Variants in SH3BP2 observed in about 807,000 individuals in gnomAD.
The protein encoded by SH3BP2 is SH3 domain binding protein 2.
In SH3BP2, 38 loss-of-function variants were observed where a neutral mutation model predicts 56.2. The observed-to-expected ratio is 0.68, with a 90% CI of 0.52 to 0.89. SH3BP2 has a LOEUF of 0.89. SH3BP2 is among the 40% of genes least tolerant of loss of function. The probability of loss-of-function intolerance (pLI) is 0.00; values close to 1 mark genes in which losing one functional copy is unlikely to be tolerated. For synonymous variants in SH3BP2, 346 were observed against 316.7 expected (o/e 1.09, Z -0.98); for missense variants, 748 against 762.6 (o/e 0.98, Z 0.23).
intron 1 of SH3BP2, among the ~76,000 whole-genome samples, chr4:2,816,059 A>AT (rs895156507): frequency 5.6e-4 from 83 of 148,008 alleles, no homozygotes; most frequent in South Asian, 1.5e-3. Context: ...TATTCTAATA[A>AT]TTTTTTTTTT....
At chr4:2,822,885 T>C in intron 2 of SH3BP2, 50 bp from the exon 3 acceptor site, 1 of 1,457,762 alleles carries the variant, frequency 6.9e-7, no homozygotes, top group South Asian at 1.2e-5. Context: ...CAGTGGGTCT[T>C]GGCAGCTGCC....
chr4:2,824,632 G>A lies in SH3BP2; in HGVS notation c.259G>A (p.Glu87Lys). ...GYNRVMRAAE[E>K]TTSNNVFPFK... ...CCCCAGGGTGATGCGGGCGGCTGAGGAGACCACGTCCAACAACGTTTTCCC... is the reference window on the plus strand; with the variant it reads ...CCCCAGGGTGATGCGGGCGGCTGAGAAGACCACGTCCAACAACGTTTTCCC... The change falls in exon 4 of 13, where the codon GAG becomes AAG. Residue 87 changes from glutamate to lysine, a missense_variant. Around this residue, in one of 3 missense-constraint regions of SH3BP2, gnomAD observed 104 missense variants for 123.1 expected, o/e 0.84. Transcript: ENST00000503393. 6.2e-7 allele frequency: 1 copy of A among 1,613,824 alleles called. No individual in the cohort carries two copies. The highest frequency in any genetic ancestry group is 8.5e-7 in the Non-Finnish European group (1 of 1,179,968).
In SH3BP2 at chr4:2,829,703, C is replaced by G; in HGVS notation, c.797C>G (p.Pro266Arg). The G allele has an allele frequency of 6.2e-7, 1 of 1,613,018 alleles. No homozygotes were observed. Among genetic ancestry groups the G allele is most frequent in the Non-Finnish European group, 8.5e-7 (1 of 1,179,836 alleles). ...CCACTGTGCCCGAGGCGGGCTGAGC[C>G]TTGCCCCAGGGTACCTGCTACCCCC... ...RDPLCPRRAE[P>R]CPRVPATPRR... Residue 266 changes from proline (P) to arginine (R), a missense_variant, in exon 8 of 13, where the codon CCT (proline) becomes CGT (arginine). Physicochemically the swap from Pro to Arg is moderately radical, Grantham distance 103. Around this residue, in one of 3 missense-constraint regions of SH3BP2, gnomAD observed 635 missense variants for 615.0 expected, o/e 1.03. Transcript: ENST00000503393. This position sits in a 1 kb window ranked among gnomAD's most constrained non-coding sequence, Gnocchi z 4.9.
intron 1 of SH3BP2, among the ~76,000 whole-genome samples, chr4:2,809,436 C>G (rs111847611): frequency 0.017 from 2,549 of 152,066 alleles, 36 homozygotes; most frequent in South Asian, 0.041. Context: ...ACTCAGTGCC[C>G]TCCCTGAGCT....
chr4:2,813,416 G>GAAGAACACACACTC lies in SH3BP2; in HGVS notation c.-4-7198_-4-7197insAAGAACACACACTC, dbSNP rs776578891. 6.6e-4 allele frequency among the ~76,000 whole-genome samples: 101 copies of GAAGAACACACACTC among 152,254 alleles called. 2 individuals are homozygous for GAAGAACACACACTC. Among genetic ancestry groups the GAAGAACACACACTC allele is most frequent in the Non-Finnish European group, 7.3e-4 (50 of 68,048 alleles). ...TGGGGCGATCACTGAGAAGCACAGA[G>GAAGAACACACACTC]CTTGGCCCACAGGGAGTGCCCAGTG... is the stretch of plus-strand genomic sequence containing the variant. On this transcript the variant is annotated intron_variant, in intron 1 of 12. Coordinates refer to ENST00000503393, the MANE Select transcript of SH3BP2 (RefSeq NM_001122681.2).
chr4:2,825,114 G>T lies in SH3BP2; in HGVS notation c.358-12G>T, dbSNP rs758622287. On this transcript the variant is annotated splice_polypyrimidine_tract_variant and intron_variant, in intron 4 of 12. Transcript: ENST00000503393. ...GTGGCACCGTGCCCACCACAGCCCC[G>T]CTGACCTGCAGAGCTGGATGGCCTT... The T allele has an allele frequency of 8.9e-6, 14 of 1,564,530 alleles. No individual in the cohort carries two copies. In the South Asian group the frequency reaches 1.1e-4, roughly 12 times the overall value.
At chr4:2,799,837 A>G (rs1032996350) in intron 1 of SH3BP2, among the ~76,000 whole-genome samples, 1 of 152,172 alleles carries the variant, frequency 6.6e-6, no homozygotes, top group Non-Finnish European at 1.5e-5. Context: ...AGGAGGGGCC[A>G]GGCTGAGGGC....
chr4:2,831,492 G>A lies in SH3BP2; in HGVS notation c.1242-79G>A. On this transcript the variant is annotated intron_variant, in intron 8 of 12. Transcript: ENST00000503393. This position sits in a 1 kb window ranked among gnomAD's most constrained non-coding sequence, Gnocchi z 4.1. ...GCTTGCCGTCCTCACACAGAGGGTG[G>A]AGTGGGGAGGGGAGCAGAGGGTGGC... 9.6e-7 allele frequency: 1 copy of A among 1,038,264 alleles called. No individual in the cohort carries two copies. Among genetic ancestry groups the A allele is most frequent in the Non-Finnish European group, 1.5e-6 (1 of 678,902 alleles). 64.3% of individuals were successfully genotyped at this position (1,038,264 alleles called of 1,614,324 possible).
In SH3BP2 at chr4:2,812,936, G is replaced by T. The variant is rs377495883; in HGVS notation, c.-4-7678G>T. Among the ~76,000 whole-genome samples the T allele has an allele frequency of 1.6e-4, 25 of 152,280 alleles. No individual in the cohort carries two copies. The South Asian group carries it at 4.8e-3, about 29-fold the overall frequency. On this transcript the variant is annotated intron_variant, in intron 1 of 12. Transcript: ENST00000503393. Reference sequence around the variant, plus strand: ...AAGGTCCCTGCTGCCCACCTGGGGAGTGCCATGCTCTGAAACCTGCAATGT... The same window carrying T: ...AAGGTCCCTGCTGCCCACCTGGGGATTGCCATGCTCTGAAACCTGCAATGT...
At chr4:2,796,053 A>G (rs769673314) in intron 1 of SH3BP2, among the ~76,000 whole-genome samples, 2 of 152,074 alleles carry the variant, frequency 1.3e-5, no homozygotes, top group Non-Finnish European at 2.9e-5. Flanking sequence ...GGGAGGGTAG[A>G]CAGGATGGTG....
rs1724975502 is a variant in SH3BP2 at position 2,831,386 on chromosome 4, T to C, written c.1242-185T>C. Among the ~76,000 whole-genome samples the C allele has an allele frequency of 2.0e-5, 3 of 152,208 alleles. No individual in the cohort carries two copies. The highest frequency in any genetic ancestry group is 4.4e-5 in the Non-Finnish European group (3 of 68,020). ...GACTCCGGTGTCGGGCGATTCCTGC[T>C]GTCCCAGGGCAGTCGGCACGAGCCC... is the stretch of plus-strand genomic sequence containing the variant. On this transcript the variant is annotated intron_variant, in intron 8 of 12. Transcript: ENST00000503393. This position sits in a 1 kb window ranked among gnomAD's most constrained non-coding sequence, Gnocchi z 4.1.
intron 7 of SH3BP2, 75 bp downstream of exon 7, chr4:2,827,749 C>T: frequency 6.0e-6 from 8 of 1,329,906 alleles, no homozygotes; most frequent in Non-Finnish European, 7.4e-6. Flanking sequence ...CAGAGCCCCT[C>T]CGAGGCTGGG....
intron 6 of SH3BP2, 23 bp from the exon 7 acceptor site, chr4:2,827,583 A>G: frequency 6.4e-7 from 1 of 1,573,504 alleles, no homozygotes; most frequent in East Asian, 2.4e-5. Context: ...TTTGGCTCTC[A>G]CCACCCCCCT....
In SH3BP2 at chr4:2,827,226, G is replaced by A. The variant is rs766274844; in HGVS notation, c.429-4G>A. ...CGTCCGCCCCAACGCACCCTGCATT[G>A]CAGCGACTCCAGCTCGGACACAGAC... is the stretch of plus-strand genomic sequence containing the variant. On this transcript the variant is annotated splice_region_variant and splice_polypyrimidine_tract_variant and intron_variant, in intron 5 of 12. Transcript: ENST00000503393. 13 of 1,613,950 alleles carry A rather than the reference G, an allele frequency of 8.1e-6. No homozygotes were observed. In the South Asian group the frequency reaches 1.3e-4, roughly 16 times the overall value.
At chr4:2,828,218 A>T (rs552547303) in intron 7 of SH3BP2, among the ~76,000 whole-genome samples, 4 of 149,868 alleles carry the variant, frequency 2.7e-5, no homozygotes, top group Non-Finnish European at 5.9e-5. Context: ...CTCCCTCCCT[A>T]TTGTCTCTCC....
chr4:2,829,632 C>T lies in SH3BP2; in HGVS notation c.726C>T (p.His242=), dbSNP rs1401061782. ...GPLLPPPPPK[H]GLPDVGLAAE... ...TACTGCCACCCCCGCCCCCTAAGCA[C>T]GGCCTCCCAGATGTTGGCCTGGCTG... Residue 242 remains histidine, a synonymous_variant, in exon 8 of 13, where the codon CAC becomes CAT. Transcript: ENST00000503393. The surrounding 1 kb of genome is among the most constrained non-coding windows in gnomAD (Gnocchi z 4.9). The T allele has an allele frequency of 5.0e-6, 8 of 1,612,860 alleles. No individual in the cohort carries two copies. Among genetic ancestry groups the T allele is most frequent in the South Asian group, 1.1e-5 (1 of 91,064 alleles).
At position 2,833,567 on chromosome 4, in the gene SH3BP2, C is replaced by T. The variant is rs562157643; in HGVS notation, c.1549-130C>T. 50 of 1,259,594 alleles carry T rather than the reference C, an allele frequency of 4.0e-5. No homozygotes were observed. The Admixed American group carries it at 6.3e-4, about 16-fold the overall frequency. 78.0% of individuals were successfully genotyped at this position (1,259,594 alleles called of 1,614,324 possible). On this transcript the variant is annotated intron_variant, in intron 12 of 12. Coordinates refer to ENST00000503393, the MANE Select transcript of SH3BP2 (RefSeq NM_001122681.2). ...GCGGAGGCCACCTTGGGGGCACCAC[C>T]GACAGCCAGGGGCCAGCCTGGTGAT...
At chr4:2,828,780 C>G (rs1184590125) in intron 7 of SH3BP2, among the ~76,000 whole-genome samples, 1 of 152,216 alleles carries the variant, frequency 6.6e-6, no homozygotes, top group Non-Finnish European at 1.5e-5. Flanking sequence ...CCTGTGGCCT[C>G]CCCATTCCCA....
chr4:2,806,646 G>T (rs759429803), intron 1 of SH3BP2, among the ~76,000 whole-genome samples: 1 of 151,836 alleles, frequency 6.6e-6, no homozygotes, highest in Admixed American at 6.6e-5. Flanking sequence ...CACCACCCTC[G>T]GCCTGGAAGC....
Sources: gnomAD v4.1 joint callset for allele counts (sites outside exome capture counted in the v4.1 genomes callset) on GRCh38, gnomAD v4.1.1 for gene constraint, gnomAD v4.1.1 regional missense constraint, Gnocchi (gnomAD v3.1) non-coding constraint, MANE v1.5 for transcripts, NCBI Gene and HGNC (gene_info 2026-07-23, HGNC 2026-07-21) for gene names.